Variants in ACAP2 observed in about 807,000 individuals in gnomAD.
ACAP2 encodes the protein ArfGAP with coiled-coil, ankyrin repeat and PH domains 2, also known as arf-GAP with coiled-coil, ANK repeat and PH domain-containing protein 2.
A neutral mutation model predicts 115.8 loss-of-function variants in ACAP2; 39 were observed. The ratio of observed to expected loss-of-function variants is 0.34; its 90% CI spans 0.26 to 0.44. The LOEUF is 0.44. Ranked by LOEUF, ACAP2 falls within the 20% of genes least tolerant of loss-of-function variation. The probability of loss-of-function intolerance (pLI) is 1.00; values close to 1 mark genes in which losing one functional copy is unlikely to be tolerated. For synonymous variants in ACAP2, 289 were observed against 315.8 expected, an observed-to-expected ratio of 0.92 and a Z score of 0.90; for missense variants, 662 against 927.6, an observed-to-expected ratio of 0.71 and a Z score of 3.72.
At chr3:195,419,552 G>C (rs1714005609) in intron 1 of ACAP2, 1 of 152,168 alleles carries the variant, frequency 6.6e-6, no homozygotes, top group East Asian at 1.9e-4. Flanking sequence ...CAGCCAGGGG[G>C]AGGGGTAATA....
At chr3:195,364,947 AAAG>A (rs1390481944) in intron 4 of ACAP2, among the ~76,000 whole-genome samples, 8 of 152,244 alleles carry the variant, frequency 5.3e-5, no homozygotes, top group African/African-American at 1.9e-4. Context: ...AGTCAGCCAT[AAAG>A]AAGAATGAGA....
rs1431222999 is a variant in ACAP2, at chr3:195,275,583, T to C, written c.*3745A>G. On this transcript the variant is annotated 3_prime_UTR_variant, in exon 23 of 23. Coordinates refer to ENST00000326793, the MANE Select transcript of ACAP2 (RefSeq NM_012287.6). ...TCAGACTTCGCTGCTTTACAATGATTTCAAATCATTTCATGATACAAATAA... is the reference window on the plus strand; with the variant it reads ...TCAGACTTCGCTGCTTTACAATGATCTCAAATCATTTCATGATACAAATAA... 1 of 152,148 alleles carries C rather than the reference T, an allele frequency of 6.6e-6. No individual in the cohort carries two copies. Among genetic ancestry groups the C allele is most frequent in the Non-Finnish European group, 1.5e-5 (1 of 68,026 alleles). 9.4% of individuals were successfully genotyped at this position (152,148 alleles called of 1,614,324 possible). A position where few individuals can be genotyped will look rare whatever the true frequency, so the allele number is the denominator to read the frequency against.
intron 5 of ACAP2, among the ~76,000 whole-genome samples, chr3:195,343,882 G>C (rs1731030495): frequency 6.6e-6 from 1 of 152,146 alleles, no homozygotes. Flanking sequence ...ACTGTTATGT[G>C]TGCATTCTAT....
At chr3:195,332,476 C>A (rs909863970) in intron 8 of ACAP2, among the ~76,000 whole-genome samples, 1 of 152,004 alleles carries the variant, frequency 6.6e-6, no homozygotes, top group Non-Finnish European at 1.5e-5. Flanking sequence ...TTTGGGTATA[C>A]CCAAAACGCA....
intron 4 of ACAP2, 58 bp downstream of exon 4, chr3:195,380,951 C>A: frequency 2.1e-6 from 3 of 1,452,838 alleles, no homozygotes; most frequent in South Asian, 2.5e-5. Context: ...CATTGCGACT[C>A]AAGAAAAATA....
intron 10 of ACAP2, among the ~76,000 whole-genome samples, chr3:195,311,816 C>G (rs1358711867): frequency 6.6e-6 from 1 of 152,222 alleles, no homozygotes; most frequent in Non-Finnish European, 1.5e-5. Context: ...GGATTACAGG[C>G]ATGAGCCACC....
chr3:195,439,789 G>A (rs1048495663), intron 1 of ACAP2, among the ~76,000 whole-genome samples: 1 of 151,728 alleles, frequency 6.6e-6, no homozygotes, highest in Non-Finnish European at 1.5e-5. Flanking sequence ...ACCACACCCG[G>A]CTAATTTTTG....
chr3:195,326,223 T>G (rs567495729), intron 9 of ACAP2: 1 of 152,270 alleles, frequency 6.6e-6, no homozygotes, highest in Non-Finnish European at 1.5e-5. Context: ...TTCAGCACTC[T>G]CCTTTTATTT....
chr3:195,296,481 G>A (rs968900772), intron 16 of ACAP2, among the ~76,000 whole-genome samples: 3 of 152,020 alleles, frequency 2.0e-5, no homozygotes, highest in African/African-American at 7.2e-5. Context: ...GCTATTTCAA[G>A]GTCTGAAATA....
intron 13 of ACAP2, 91 bp from the exon 14 acceptor site, chr3:195,302,265 C>G (rs1577262222): frequency 8.2e-7 from 1 of 1,214,264 alleles, no homozygotes; most frequent in East Asian, 2.4e-5. Flanking sequence ...AGCTTCCAAT[C>G]AATAAATTAA....
intron 5 of ACAP2, among the ~76,000 whole-genome samples, chr3:195,344,002 A>G (rs2108652794): frequency 6.6e-6 from 1 of 152,316 alleles, no homozygotes; most frequent in East Asian, 1.9e-4. Flanking sequence ...TGAGGCCAGG[A>G]GTTTGAGACT....
At chr3:195,433,002 T>C (rs1560367893) in intron 1 of ACAP2, among the ~76,000 whole-genome samples, 2 of 152,212 alleles carry the variant, frequency 1.3e-5, no homozygotes, top group East Asian at 1.9e-4. Context: ...CTGAACTTAC[T>C]AGTTATAACT....
At chr3:195,304,461 A>C (rs1246634402) in intron 13 of ACAP2, among the ~76,000 whole-genome samples, 1 of 152,274 alleles carries the variant, frequency 6.6e-6, no homozygotes, top group Admixed American at 6.5e-5. Context: ...TCACGAAAGT[A>C]TTAATAGGAG....
chr3:195,336,812 C>T, intron 7 of ACAP2, 120 bp downstream of exon 7: 1 of 803,554 alleles, frequency 1.2e-6, no homozygotes, highest in Non-Finnish European at 2.0e-6. Flanking sequence ...AAATGAAGAT[C>T]AAAAAGAAGA....
At chr3:195,372,987 C>CAAAAAAAAAAA (rs869134113) in intron 4 of ACAP2, among the ~76,000 whole-genome samples, 4 of 17,778 alleles carry the variant, frequency 2.2e-4, no homozygotes, top group African/African-American at 5.7e-4. Flanking sequence ...GACTCCATCT[C>CAAAAAAAAAAA]AAAAAAAAAA....
chr3:195,277,102 G>C lies in ACAP2; in HGVS notation c.*2226C>G, dbSNP rs557740161. On this transcript the variant is annotated 3_prime_UTR_variant, in exon 23 of 23. Transcript: ENST00000326793. ...TGCCTTCACAACCACAGAGATTCCA[G>C]AGGTGATCTGAATGAAACACGCACC... 2 of 152,308 alleles carry C rather than the reference G, an allele frequency of 1.3e-5. No individual in the cohort carries two copies. Among genetic ancestry groups the C allele is most frequent in the South Asian group, 4.1e-4 (2 of 4,832 alleles). The allele number at this position is 152,308 out of a possible 1,614,324, so 9.4% of individuals were successfully genotyped here.
intron 13 of ACAP2, among the ~76,000 whole-genome samples, chr3:195,306,231 C>T (rs41267003): frequency 0.022 from 3,285 of 152,072 alleles, 118 homozygotes; most frequent in East Asian, 0.1. Flanking sequence ...TAAAATGGCA[C>T]AATACTTTTG....
intron 4 of ACAP2, among the ~76,000 whole-genome samples, chr3:195,375,166 T>G (rs1301586020): frequency 6.6e-6 from 1 of 151,890 alleles, no homozygotes; most frequent in Non-Finnish European, 1.5e-5. Context: ...CACTCCAGCC[T>G]GGGTGACAGA....
chr3:195,392,651 A>G (rs1166181912), intron 1 of ACAP2, among the ~76,000 whole-genome samples: 1 of 152,218 alleles, frequency 6.6e-6, no homozygotes, highest in African/African-American at 2.4e-5. Context: ...TCCTAGCAAT[A>G]TAATTTTAAT....
Sources: allele counts gnomAD v4.1 joint callset (sites outside exome capture counted in the v4.1 genomes callset), GRCh38; gene constraint gnomAD v4.1.1; transcripts MANE v1.5; gene names NCBI Gene and HGNC (gene_info 2026-07-23, HGNC 2026-07-21).